Variants in FBXO42 observed in about 807,000 individuals in gnomAD.
FBXO42 encodes the protein F-box only protein 42.
In FBXO42, 12 loss-of-function variants were observed where a neutral mutation model predicts 71.7. The ratio of observed to expected loss-of-function variants is 0.17; its 90% CI spans 0.11 to 0.27. The LOEUF (loss-of-function observed/expected upper bound fraction) is 0.27. Ranked by LOEUF, FBXO42 falls within the 10% of genes least tolerant of loss-of-function variation. The pLI is 1.00. For synonymous variants in FBXO42, 325 were observed against 327.5 expected, an observed-to-expected ratio of 0.99 and a Z score of 0.08; for missense variants, 707 against 911.9, an observed-to-expected ratio of 0.78 and a Z score of 2.89.
chr1:16,319,152 C>T (rs1212384402), intron 1 of FBXO42, among the ~76,000 whole-genome samples: 2 of 151,970 alleles, frequency 1.3e-5, no homozygotes, highest in South Asian at 2.1e-4. Flanking sequence ...CTGGATTTGG[C>T]GGGGGGTGGG....
chr1:16,291,790 A>C (rs1047442246), intron 4 of FBXO42, among the ~76,000 whole-genome samples: 5 of 151,538 alleles, frequency 3.3e-5, no homozygotes, highest in African/African-American at 4.9e-5. Flanking sequence ...TCCCACCTCA[A>C]CCTCTCAAGT....
intron 4 of FBXO42, 125 bp from the exon 5 acceptor site, chr1:16,256,884 A>G (rs1429812405): frequency 3.2e-6 from 3 of 930,608 alleles, no homozygotes; most frequent in Non-Finnish European, 4.6e-6. Flanking sequence ...CAAAGTGTAG[A>G]GGAAAGGTGG....
Position 16,315,042 on chromosome 1 carries a change from G to A in FBXO42, c.250+127C>T, listed in dbSNP as rs2082350481. On this transcript the variant is annotated intron_variant, in intron 2 of 9. Transcript: ENST00000375592. ...CCAGGGTAAGAAAGAAAACCGGGTAGTATCGTCTAATGCTAGATTTTATAA... is the reference window on the plus strand; with the variant it reads ...CCAGGGTAAGAAAGAAAACCGGGTAATATCGTCTAATGCTAGATTTTATAA... The A allele has an allele frequency of 1.4e-5, 14 of 999,388 alleles. No homozygotes were observed. In the South Asian group the frequency reaches 2.5e-4, roughly 18 times the overall value. The allele number at this position is 999,388 out of a possible 1,614,324, so 61.9% of individuals were successfully genotyped here.
chr1:16,341,900 G>T (rs1247489455), intron 1 of FBXO42, among the ~76,000 whole-genome samples: 1 of 150,894 alleles, frequency 6.6e-6, no homozygotes, highest in Non-Finnish European at 1.5e-5. Flanking sequence ...GAACCTGGGA[G>T]GCGGAGGTCG....
chr1:16,271,246 C>A (rs1038063296), intron 4 of FBXO42, among the ~76,000 whole-genome samples: 2 of 131,644 alleles, frequency 1.5e-5, no homozygotes, highest in African/African-American at 5.7e-5. Flanking sequence ...CTACTGTGTG[C>A]GTGTGTGTGT....
At chr1:16,261,886 G>C (rs376854339) in intron 4 of FBXO42, among the ~76,000 whole-genome samples, 1 of 151,820 alleles carries the variant, frequency 6.6e-6, no homozygotes, top group East Asian at 1.9e-4. Flanking sequence ...TTTTATTGTT[G>C]TATTTTTAGT....
At chr1:16,320,807 C>T (rs2082404724) in intron 1 of FBXO42, among the ~76,000 whole-genome samples, 2 of 152,052 alleles carry the variant, frequency 1.3e-5, no homozygotes, top group African/African-American at 2.4e-5. Context: ...AGTAATCCAC[C>T]GTGCCCAGCC....
At chr1:16,326,014 T>TTGTGTGTGTGTGTG (rs34752325) in intron 1 of FBXO42, among the ~76,000 whole-genome samples, 3,007 of 137,468 alleles carry the variant, frequency 0.022, 58 homozygotes, top group Non-Finnish European at 0.03. Context: ...GTGCCCAAAT[T>TTGTGTGTGTGTGTG]TGTGTGTGTG....
chr1:16,264,012 T>C (rs181608404), intron 4 of FBXO42, among the ~76,000 whole-genome samples: 4 of 152,044 alleles, frequency 2.6e-5, no homozygotes, highest in Non-Finnish European at 5.9e-5. Context: ...GGTTTCACCA[T>C]GTTGGCCAGG....
intron 4 of FBXO42, chr1:16,294,008 A>G (rs1329564887): frequency 1.3e-5 from 2 of 152,216 alleles, no homozygotes; most frequent in East Asian, 1.9e-4. Context: ...AACTTGCCCA[A>G]TGGAAACCCA....
intron 4 of FBXO42, among the ~76,000 whole-genome samples, chr1:16,268,326 T>G (rs2081801188): frequency 6.6e-6 from 1 of 152,186 alleles, no homozygotes; most frequent in Non-Finnish European, 1.5e-5. Flanking sequence ...CTATACAAAT[T>G]TTCCCACTCT....
chr1:16,273,324 T>C (rs937023800), intron 4 of FBXO42, among the ~76,000 whole-genome samples: 1 of 152,170 alleles, frequency 6.6e-6, no homozygotes, highest in Non-Finnish European at 1.5e-5. Flanking sequence ...CCCTAATAAT[T>C]AGTATCTTTT....
At chr1:16,336,024 A>G (rs1478117419) in intron 1 of FBXO42, among the ~76,000 whole-genome samples, 3 of 149,796 alleles carry the variant, frequency 2.0e-5, no homozygotes, top group African/African-American at 7.4e-5. Flanking sequence ...CTCACTGAAC[A>G]CCTCCTGGGT....
At chr1:16,283,835 A>G (rs1180029633) in intron 4 of FBXO42, among the ~76,000 whole-genome samples, 3 of 151,934 alleles carry the variant, frequency 2.0e-5, no homozygotes, top group Non-Finnish European at 4.4e-5. Context: ...CCTTTTTGCA[A>G]ATGGGTTTGG....
intron 1 of FBXO42, among the ~76,000 whole-genome samples, chr1:16,337,736 T>C (rs1432248346): frequency 6.7e-6 from 1 of 150,134 alleles, no homozygotes; most frequent in Non-Finnish European, 1.5e-5. Context: ...ATACAAAAAT[T>C]AGCTGGGCAC....
At chr1:16,305,563 AG>A (rs1457987938) in intron 3 of FBXO42, among the ~76,000 whole-genome samples, 4 of 152,052 alleles carry the variant, frequency 2.6e-5, no homozygotes, top group African/African-American at 9.7e-5. Context: ...AAAATACAAA[AG>A]TTAACCAGGT....
At chr1:16,323,639 A>G (rs2082425854) in intron 1 of FBXO42, among the ~76,000 whole-genome samples, 2 of 150,678 alleles carry the variant, frequency 1.3e-5, no homozygotes, top group South Asian at 4.2e-4. Context: ...TAAAAACAAA[A>G]ATTAGCCAGG....
At chr1:16,327,883 T>A (rs1184948728) in intron 1 of FBXO42, among the ~76,000 whole-genome samples, 1 of 152,110 alleles carries the variant, frequency 6.6e-6, no homozygotes, top group Non-Finnish European at 1.5e-5. Context: ...CGTATTTTAG[T>A]AGAGACTGGG....
At chr1:16,309,730 G>A (rs1052000844) in intron 2 of FBXO42, among the ~76,000 whole-genome samples, 1 of 151,506 alleles carries the variant, frequency 6.6e-6, no homozygotes, top group African/African-American at 2.4e-5. Context: ...ACCCTGTCTC[G>A]ACAAAGTATT....
Sources: gnomAD v4.1 joint callset for allele counts (sites outside exome capture counted in the v4.1 genomes callset) on GRCh38, gnomAD v4.1.1 for gene constraint, MANE v1.5 for transcripts, NCBI Gene and HGNC (gene_info 2026-07-23, HGNC 2026-07-21) for gene names.